MDM2: variants seen among roughly 807,000 people sequenced by gnomAD.
MDM2 encodes the protein MDM2 proto-oncogene, also known as E3 ubiquitin-protein ligase Mdm2.
A neutral mutation model predicts 64.3 loss-of-function variants in MDM2; 11 were observed. That is an observed-to-expected ratio of 0.17 (90% CI 0.11 to 0.28). The LOEUF is 0.28. Among genes scored for constraint, MDM2 ranks in the 10% least tolerant of loss-of-function variants. MDM2 has a pLI of 1.00. For missense variants in MDM2, 388 were observed against 577.1 expected, an observed-to-expected ratio of 0.67 and a Z score of 3.36; for synonymous variants, 194 against 192.9, an observed-to-expected ratio of 1.01 and a Z score of -0.05.
intron 8 of MDM2, among the ~76,000 whole-genome samples, chr12:68,835,035 T>C (rs572121311): frequency 6.6e-6 from 1 of 152,212 alleles, no homozygotes; most frequent in South Asian, 2.1e-4. Flanking sequence ...AACATAAGTA[T>C]CTATGACTCG....
chr12:68,842,142 C>T lies in MDM2; in HGVS notation c.*2293C>T, dbSNP rs1883818821. On this transcript the variant is annotated 3_prime_UTR_variant, in exon 11 of 11. Coordinates refer to ENST00000258149, the MANE Select transcript of MDM2 (RefSeq NM_002392.6). The stretch of plus-strand genomic sequence containing the variant: ...TGAATTTGAAAAATATAGTAACAAG[C>T]CTGTCAAATATCTGCAAGAACTATG... 2.2e-6 allele frequency: 1 copy of T among 457,376 alleles called. No homozygotes were observed. The allele number at this position is 457,376 out of a possible 1,614,324, so 28.3% of individuals were successfully genotyped here. A position where few individuals can be genotyped will look rare whatever the true frequency, so the allele number is the denominator to read the frequency against.
chr12:68,847,211 T>TATATATATATATATATATATATATAC (rs914745312), downstream of MDM2: 1 of 136,476 alleles, frequency 7.3e-6, no homozygotes, highest in African/African-American at 3.0e-5. Flanking sequence ...TATATATATA[T>TATATATATATATATATATATATATAC]ACTTTTTTTA....
At chr12:68,822,143 C>T (rs994344268) in intron 5 of MDM2, among the ~76,000 whole-genome samples, 1 of 152,162 alleles carries the variant, frequency 6.6e-6, no homozygotes, top group Non-Finnish European at 1.5e-5. Flanking sequence ...TGAGCCACTG[C>T]GTCTGGCTGT....
At chr12:68,816,767 A>G in intron 3 of MDM2, 45 bp from the exon 4 acceptor site, 4 of 1,496,088 alleles carry the variant, frequency 2.7e-6, no homozygotes, top group African/African-American at 1.4e-5. Context: ...TTTACAACTA[A>G]CATTTAGTTT....
chr12:68,818,639 TC>T (rs1881592821), intron 4 of MDM2, among the ~76,000 whole-genome samples: 1 of 149,808 alleles, frequency 6.7e-6, no homozygotes. Context: ...CTGTTTAATA[TC>T]CATATATGTT....
intron 7 of MDM2, among the ~76,000 whole-genome samples, chr12:68,825,745 C>T (rs908947968): frequency 6.6e-6 from 1 of 152,164 alleles, no homozygotes; most frequent in African/African-American, 2.4e-5. Flanking sequence ...CTGAGGAAGT[C>T]GCAGTAACTA....
rs1884169900 is a variant in MDM2, at chr12:68,845,119, T to G, written c.*5270T>G. 1 of 221,896 alleles carries G rather than the reference T, an allele frequency of 4.5e-6. No individual in the cohort carries two copies. Among genetic ancestry groups the G allele is most frequent in the South Asian group, 1.8e-4 (1 of 5,440 alleles). The allele number at this position is 221,896 out of a possible 1,614,324, so 13.7% of individuals were successfully genotyped here. On this transcript the variant is annotated 3_prime_UTR_variant, in exon 11 of 11. Transcript: ENST00000258149. The stretch of plus-strand genomic sequence containing the variant: ...GTGTAGGTCTGTAGGCTTATGATGG[T>G]AACCACAAGTTGTTAATGGCATTGT...
At chr12:68,809,160 G>T in intron 1 of MDM2, 48 bp from the exon 2 acceptor site, 1 of 1,605,376 alleles carries the variant, frequency 6.2e-7, no homozygotes, top group South Asian at 1.1e-5. Context: ...ATTTTCCACA[G>T]ATGTTTCATG....
chr12:68,822,746 CT>C (rs35863515), intron 5 of MDM2, among the ~76,000 whole-genome samples: 49,952 of 146,272 alleles, frequency 0.34, 9,022 homozygotes, highest in Non-Finnish European at 0.43. Flanking sequence ...AACTTTGTCA[CT>C]TTTTTTTTTT....
intron 7 of MDM2, among the ~76,000 whole-genome samples, chr12:68,825,546 G>A (rs1257348118): frequency 6.6e-6 from 1 of 152,042 alleles, no homozygotes; most frequent in Non-Finnish European, 1.5e-5. Context: ...CCAGCTACTC[G>A]GGAGGCTGAG....
intron 2 of MDM2, among the ~76,000 whole-genome samples, chr12:68,809,810 G>A (rs1816770031): frequency 6.6e-6 from 1 of 152,150 alleles, no homozygotes. Context: ...AACTGTAGTT[G>A]TTCTGTGACT....
At position 68,844,022 on chromosome 12, in the gene MDM2, T is replaced by C. The variant is rs1203509210; in HGVS notation, c.*4173T>C. 4.8e-6 allele frequency: 1 copy of C among 207,224 alleles called. No homozygotes were observed. Among genetic ancestry groups the C allele is most frequent in the East Asian group, 7.4e-5 (1 of 13,550 alleles). The allele number at this position is 207,224 out of a possible 1,614,324, so 12.8% of individuals were successfully genotyped here. ...CTGAGGAGTATCGGTAGCATAAATGTGATTATAAACATAGTACACTTGATA... is the reference window on the plus strand; with the variant it reads ...CTGAGGAGTATCGGTAGCATAAATGCGATTATAAACATAGTACACTTGATA... On this transcript the variant is annotated 3_prime_UTR_variant, in exon 11 of 11. Coordinates refer to ENST00000258149, the MANE Select transcript of MDM2 (RefSeq NM_002392.6).
chr12:68,845,654 C>G (rs1365134895), downstream of MDM2: 2 of 175,048 alleles, frequency 1.1e-5, no homozygotes, highest in African/African-American at 4.7e-5. Flanking sequence ...TGTTTCAGTC[C>G]TACAATCCCA....
chr12:68,816,701 G>A (rs1881416974), intron 3 of MDM2, 111 bp from the exon 4 acceptor site: 1 of 954,852 alleles, frequency 1.0e-6, no homozygotes, highest in Non-Finnish European at 1.5e-6. Context: ...CATAGTTGTG[G>A]ATATGGTTCC....
At position 68,821,044 on chromosome 12, in the gene MDM2, C is replaced by CTT. The variant is rs36054804; in HGVS notation, c.358+690_358+691dup. ...GTTGGGAAGAGATGTACACAGTTTGCTTTTTTTTTTTTTTTTTTTTTGAGA... is the reference window on the plus strand; with the variant it reads ...GTTGGGAAGAGATGTACACAGTTTGCTTTTTTTTTTTTTTTTTTTTTTTGAGA... On this transcript the variant is annotated intron_variant, in intron 5 of 10. Transcript: ENST00000258149. Among the ~76,000 whole-genome samples the CTT allele has an allele frequency of 2.7e-3, 276 of 103,758 alleles. 10 individuals carry two copies. The highest frequency in any genetic ancestry group is 8.5e-3 in the African/African-American group (224 of 26,434). 68.1% of individuals were successfully genotyped at this position (103,758 alleles called of 152,430 possible). A position where few individuals can be genotyped will look rare whatever the true frequency, so the allele number is the denominator to read the frequency against.
chr12:68,834,271 G>A (rs1225625242), intron 8 of MDM2, among the ~76,000 whole-genome samples: 2 of 152,032 alleles, frequency 1.3e-5, no homozygotes, highest in African/African-American at 4.8e-5. Context: ...ACGAAACCCC[G>A]TCTCCACTAA....
chr12:68,808,262 G>C lies in MDM2; in HGVS notation c.-216G>C. Reference sequence around the variant, plus strand: ...TGTCGGAAAGATGGAGCAAGAAGCCGAGCCCGAGGGGCGGCCGCGACCCCT... The same window carrying C: ...TGTCGGAAAGATGGAGCAAGAAGCCCAGCCCGAGGGGCGGCCGCGACCCCT... On this transcript the variant is annotated 5_prime_UTR_variant, in exon 1 of 11. Transcript: ENST00000258149. 3 of 602,872 alleles carry C rather than the reference G, an allele frequency of 5.0e-6. No homozygotes were observed. In the South Asian group the frequency reaches 5.8e-5, roughly 12 times the overall value. 37.3% of individuals were successfully genotyped at this position (602,872 alleles called of 1,614,324 possible). A position where few individuals can be genotyped will look rare whatever the true frequency, so the allele number is the denominator to read the frequency against.
At chr12:68,824,780 T>C in intron 7 of MDM2, 129 bp downstream of exon 7, 1 of 630,488 alleles carries the variant, frequency 1.6e-6, no homozygotes, top group African/African-American at 1.9e-5. Flanking sequence ...CTCTGAGTTT[T>C]TTTCATTCGT....
chr12:68,837,104 C>T (rs1447920778), intron 10 of MDM2, among the ~76,000 whole-genome samples: 1 of 151,672 alleles, frequency 6.6e-6, no homozygotes, highest in Non-Finnish European at 1.5e-5. Flanking sequence ...CAGGCATGCA[C>T]CACTATACCC....
Sources: allele counts gnomAD v4.1 joint callset (sites outside exome capture counted in the v4.1 genomes callset), GRCh38; gene constraint gnomAD v4.1.1; transcripts MANE v1.5; gene names NCBI Gene and HGNC (gene_info 2026-07-23, HGNC 2026-07-21).